PTPRD: variants seen among roughly 807,000 people sequenced by gnomAD.
PTPRD encodes receptor-type tyrosine-protein phosphatase delta.
In PTPRD, 34 loss-of-function variants were observed where a neutral mutation model predicts 214.5. That is an observed-to-expected ratio of 0.16 (90% confidence interval 0.12 to 0.21). The LOEUF is 0.21. Among genes scored for constraint, PTPRD ranks in the 10% least tolerant of loss-of-function variants. The pLI is 1.00. For missense variants in PTPRD, 2,545 were observed against 2,398.7 expected, an observed-to-expected ratio of 1.06 and a Z score of -1.27; for synonymous variants, 1,128 against 845.7, an observed-to-expected ratio of 1.33 and a Z score of -5.79.
At chr9:10,371,543 C>A (rs2097619379) in intron 2 of PTPRD, among the ~76,000 whole-genome samples, 1 of 151,970 alleles carries the variant, frequency 6.6e-6, no homozygotes, top group Non-Finnish European at 1.5e-5. Flanking sequence ...TCTGTTGAGT[C>A]CTCTTCAGAA....
chr9:9,349,824 C>T (rs1379993917), intron 9 of PTPRD, among the ~76,000 whole-genome samples: 1 of 151,786 alleles, frequency 6.6e-6, no homozygotes. Context: ...ATCTGCATTT[C>T]TCATATACTA....
intron 11 of PTPRD, among the ~76,000 whole-genome samples, chr9:8,780,778 A>G (rs1438272990): frequency 6.6e-6 from 1 of 152,196 alleles, no homozygotes; most frequent in Non-Finnish European, 1.5e-5. Context: ...CAAATAAGTC[A>G]TCCTTAAACC....
At chr9:9,919,581 G>C (rs534661388) in intron 5 of PTPRD, among the ~76,000 whole-genome samples, 2 of 152,204 alleles carry the variant, frequency 1.3e-5, no homozygotes, top group Admixed American at 6.5e-5. Flanking sequence ...TCCCCTATCA[G>C]CACAAATGAG....
chr9:10,107,308 T>C (rs10120583), intron 3 of PTPRD, among the ~76,000 whole-genome samples: 3,808 of 151,970 alleles, frequency 0.025, 59 homozygotes, highest in Middle Eastern at 0.068. Flanking sequence ...ATTTGGGAGA[T>C]GTGAGGAAGA....
At chr9:9,053,366 C>T (rs1245877184) in intron 10 of PTPRD, among the ~76,000 whole-genome samples, 1 of 151,198 alleles carries the variant, frequency 6.6e-6, no homozygotes, top group Non-Finnish European at 1.5e-5. Context: ...CTGAAAAATG[C>T]TAGTTGTTAT....
chr9:10,274,490 C>T (rs10733204), intron 3 of PTPRD, among the ~76,000 whole-genome samples: 1 of 152,004 alleles, frequency 6.6e-6, no homozygotes, highest in Non-Finnish European at 1.5e-5. Flanking sequence ...ATTTGGTTTG[C>T]GCTAGTATGA....
chr9:9,027,956 T>C (rs1281397621), intron 10 of PTPRD, among the ~76,000 whole-genome samples: 1 of 151,986 alleles, frequency 6.6e-6, no homozygotes, highest in Admixed American at 6.6e-5. Flanking sequence ...TTAGTTTTTT[T>C]AGCCTGTACA....
chr9:10,344,051 T>G (rs1373229465), intron 2 of PTPRD, among the ~76,000 whole-genome samples: 1 of 148,578 alleles, frequency 6.7e-6, no homozygotes. Context: ...CATTTGTCTA[T>G]TTTGGCTTTT....
At chr9:8,620,296 G>A (rs533836942) in intron 14 of PTPRD, among the ~76,000 whole-genome samples, 7 of 152,000 alleles carry the variant, frequency 4.6e-5, no homozygotes, top group Non-Finnish European at 7.4e-5. Context: ...ACAGACAAAC[G>A]CTTTAAAGAA....
At chr9:10,509,041 AC>A (rs1381924058) in intron 2 of PTPRD, among the ~76,000 whole-genome samples, 1 of 152,050 alleles carries the variant, frequency 6.6e-6, no homozygotes, top group African/African-American at 2.4e-5. Context: ...TAAAGGAAAT[AC>A]CTGCTATGAT....
intron 8 of PTPRD, among the ~76,000 whole-genome samples, chr9:9,436,724 T>C (rs1225495268): frequency 6.6e-6 from 1 of 152,142 alleles, no homozygotes; most frequent in African/African-American, 2.4e-5. Flanking sequence ...GAATATTTTA[T>C]GAACATTTAA....
At chr9:9,339,206 G>A (rs1034474494) in intron 9 of PTPRD, among the ~76,000 whole-genome samples, 25 of 152,142 alleles carry the variant, frequency 1.6e-4, no homozygotes, top group African/African-American at 5.3e-4. Context: ...GGCTAGGCGC[G>A]GTGGCTCATG....
chr9:8,570,061 T>A (rs2090634694), intron 14 of PTPRD, among the ~76,000 whole-genome samples: 3 of 152,072 alleles, frequency 2.0e-5, no homozygotes, highest in Admixed American at 2.0e-4. Context: ...ATACTATGCA[T>A]CCTCTTACAA....
intron 3 of PTPRD, among the ~76,000 whole-genome samples, chr9:10,318,068 T>C (rs945636250): frequency 6.6e-5 from 10 of 152,018 alleles, no homozygotes; most frequent in African/African-American, 1.9e-4. Context: ...CCCTAGTAAA[T>C]GAAATCAAAC....
chr9:10,238,335 C>G (rs1288933911), intron 3 of PTPRD, among the ~76,000 whole-genome samples: 1 of 151,844 alleles, frequency 6.6e-6, no homozygotes, highest in Non-Finnish European at 1.5e-5. Context: ...GTTTCCCCCA[C>G]CACCATCTCT....
chr9:9,733,845 G>A (rs1007859835), intron 7 of PTPRD, among the ~76,000 whole-genome samples: 11 of 152,086 alleles, frequency 7.2e-5, no homozygotes, highest in African/African-American at 1.4e-4. Context: ...GGATCCCAAT[G>A]TATGAATGTG....
At chr9:10,059,884 T>A (rs1253596102) in intron 3 of PTPRD, among the ~76,000 whole-genome samples, 2 of 151,996 alleles carry the variant, frequency 1.3e-5, no homozygotes, top group African/African-American at 4.8e-5. Flanking sequence ...TAGCACATAA[T>A]TGGAATGACA....
intron 7 of PTPRD, among the ~76,000 whole-genome samples, chr9:9,625,344 G>C (rs1487258442): frequency 1.3e-5 from 2 of 152,170 alleles, no homozygotes; most frequent in South Asian, 2.1e-4. Flanking sequence ...TGCTGCTCAA[G>C]TGTGAATACC....
chr9:10,009,502 C>A (rs966763540), intron 4 of PTPRD, among the ~76,000 whole-genome samples: 2 of 151,866 alleles, frequency 1.3e-5, no homozygotes, highest in African/African-American at 4.8e-5. Context: ...TATCTATACA[C>A]CTAGAAGCAA....
Sources: gnomAD v4.1 joint callset for allele counts (sites outside exome capture counted in the v4.1 genomes callset) on GRCh38, gnomAD v4.1.1 for gene constraint, MANE v1.5 for transcripts, NCBI Gene and HGNC (gene_info 2026-07-23, HGNC 2026-07-21) for gene names.